VPS13B: variants seen among roughly 807,000 people sequenced by gnomAD.
VPS13B encodes vacuolar protein sorting 13 homolog B, also known as intermembrane lipid transfer protein VPS13B.
In VPS13B, 285 loss-of-function variants were observed where a neutral mutation model predicts 426.4. The observed-to-expected ratio is 0.67, with a 90% CI of 0.61 to 0.74. VPS13B has a LOEUF of 0.74. Ranked by LOEUF, VPS13B falls within the 30% of genes least tolerant of loss-of-function variation. The pLI, the probability that VPS13B is intolerant of heterozygous loss-of-function variation, is 0.00. For synonymous variants in VPS13B, 1,676 were observed against 1,676.4 expected (o/e 1.00, Z 0.01); for missense variants, 4,537 against 4,782.6 (o/e 0.95, Z 1.51).
chr8:99,220,390 T>C (rs1044163465), intron 17 of VPS13B, among the ~76,000 whole-genome samples: 1 of 152,222 alleles, frequency 6.6e-6, no homozygotes, highest in African/African-American at 2.4e-5. Flanking sequence ...TAAGACATAT[T>C]AATTTGTATT....
intron 35 of VPS13B, among the ~76,000 whole-genome samples, chr8:99,692,089 T>A (rs1831698069): frequency 6.9e-6 from 1 of 144,042 alleles, no homozygotes; most frequent in Admixed American, 7.0e-5. Context: ...CACACATTAA[T>A]AATGGGAGAC....
chr8:99,796,520 G>A (rs2130745060), intron 43 of VPS13B: 1 of 152,298 alleles, frequency 6.6e-6, no homozygotes, highest in African/African-American at 2.4e-5. Context: ...GGAAGAAAAG[G>A]AAAGAATTCA....
At chr8:99,749,011 A>G (rs185140393) in intron 39 of VPS13B, among the ~76,000 whole-genome samples, 1 of 152,156 alleles carries the variant, frequency 6.6e-6, no homozygotes, top group Admixed American at 6.6e-5. Flanking sequence ...AGGAGTATAT[A>G]GTTTACTATA....
chr8:99,776,996 A>T lies in VPS13B; in HGVS notation c.7429+40A>T, dbSNP rs200392240. On this transcript the variant is annotated intron_variant, in intron 41 of 61. Transcript: ENST00000357162. ...AGCATCAGAATAACATCCATTTAATACTTACCATTTTCTCTTGAGTGTTTT... is the reference window on the plus strand; with the variant it reads ...AGCATCAGAATAACATCCATTTAATTCTTACCATTTTCTCTTGAGTGTTTT... 1,175 of 1,581,002 alleles carry T rather than the reference A, an allele frequency of 7.4e-4. 5 individuals are homozygous for T. Among genetic ancestry groups the T allele is most frequent in the Middle Eastern group, 3.0e-3 (18 of 5,998 alleles).
chr8:99,284,207 TTTC>T (rs1403373054), intron 19 of VPS13B, among the ~76,000 whole-genome samples: 1 of 152,222 alleles, frequency 6.6e-6, no homozygotes, highest in Non-Finnish European at 1.5e-5. Context: ...TAAAATATTT[TTTC>T]TTTTTTCAGA....
intron 31 of VPS13B, among the ~76,000 whole-genome samples, chr8:99,567,920 G>C (rs981192500): frequency 6.6e-6 from 1 of 152,064 alleles, no homozygotes; most frequent in Non-Finnish European, 1.5e-5. Flanking sequence ...AATATAACTG[G>C]GTAATATAAT....
chr8:99,326,901 C>CATGA (rs1029893448), intron 19 of VPS13B, among the ~76,000 whole-genome samples: 2 of 152,222 alleles, frequency 1.3e-5, no homozygotes, highest in African/African-American at 4.8e-5. Context: ...ATCTCAGACA[C>CATGA]ATGAGACCAC....
intron 35 of VPS13B, among the ~76,000 whole-genome samples, chr8:99,679,779 T>A (rs1831083173): frequency 6.6e-6 from 1 of 152,228 alleles, no homozygotes; most frequent in Non-Finnish European, 1.5e-5. Flanking sequence ...CTAGCTCTTA[T>A]ACCTGTGAAT....
intron 25 of VPS13B, among the ~76,000 whole-genome samples, chr8:99,489,868 C>T (rs1208717140): frequency 3.3e-5 from 5 of 152,134 alleles, no homozygotes; most frequent in Admixed American, 3.3e-4. Flanking sequence ...ATTTGACTTC[C>T]TCTTTTCCTG....
chr8:99,317,376 C>A (rs1809730636), intron 19 of VPS13B, among the ~76,000 whole-genome samples: 2 of 152,046 alleles, frequency 1.3e-5, no homozygotes, highest in Admixed American at 1.3e-4. Flanking sequence ...TTTGTGATGA[C>A]AACATTGAAA....
At chr8:99,312,364 G>T (rs954255235) in intron 19 of VPS13B, among the ~76,000 whole-genome samples, 3 of 152,138 alleles carry the variant, frequency 2.0e-5, no homozygotes, top group Non-Finnish European at 4.4e-5. Context: ...GGCAGGCCTG[G>T]TGGTGACAAA....
intron 33 of VPS13B, among the ~76,000 whole-genome samples, chr8:99,638,022 C>T (rs1291067614): frequency 6.6e-6 from 1 of 152,056 alleles, no homozygotes; most frequent in Non-Finnish European, 1.5e-5. Context: ...CATCACTTTT[C>T]ACATGTTATG....
At chr8:99,234,200 C>T (rs1332451475) in intron 17 of VPS13B, 4 of 778,034 alleles carry the variant, frequency 5.1e-6, no homozygotes, top group Non-Finnish European at 9.6e-6. Flanking sequence ...AGGAATAGTT[C>T]TCAAACTGAT....
intron 4 of VPS13B, among the ~76,000 whole-genome samples, chr8:99,099,970 G>C (rs1846638911): frequency 6.6e-6 from 1 of 152,126 alleles, no homozygotes. Flanking sequence ...ATTTTCAGAT[G>C]CGTGTGGAGT....
chr8:99,856,959 G>C (rs991301944), intron 56 of VPS13B, among the ~76,000 whole-genome samples: 2 of 152,206 alleles, frequency 1.3e-5, no homozygotes, highest in African/African-American at 2.4e-5. Context: ...CTGAAGGAAA[G>C]CATGTGGTCT....
At chr8:99,470,073 A>G (rs1425898972) in intron 24 of VPS13B, among the ~76,000 whole-genome samples, 1 of 152,178 alleles carries the variant, frequency 6.6e-6, no homozygotes, top group African/African-American at 2.4e-5. Context: ...CTTTGAGACA[A>G]TATGTTTCTG....
intron 16 of VPS13B, among the ~76,000 whole-genome samples, chr8:99,170,372 CTG>C (rs1812259620): frequency 6.6e-6 from 1 of 151,924 alleles, no homozygotes. Context: ...ATAGCAATAA[CTG>C]TTATTAGGGT....
chr8:99,334,894 C>T (rs1381258949), intron 19 of VPS13B, among the ~76,000 whole-genome samples: 2 of 152,024 alleles, frequency 1.3e-5, no homozygotes, highest in Admixed American at 1.3e-4. Context: ...GGGAGGATTC[C>T]CTCTTTTTCT....
chr8:99,573,298 GT>G (rs1354728187), intron 31 of VPS13B, among the ~76,000 whole-genome samples: 1 of 152,146 alleles, frequency 6.6e-6, no homozygotes, highest in African/African-American at 2.4e-5. Flanking sequence ...AAGCTCTTTA[GT>G]TTAATTAGAT....
Sources: allele counts gnomAD v4.1 joint callset (sites outside exome capture counted in the v4.1 genomes callset), GRCh38; gene constraint gnomAD v4.1.1; transcripts MANE v1.5; gene names NCBI Gene and HGNC (gene_info 2026-07-23, HGNC 2026-07-21).